Variants in JMY observed in about 807,000 individuals in gnomAD.
JMY encodes the protein junction-mediating and -regulatory protein.
In JMY, 46 loss-of-function variants were observed where a neutral mutation model predicts 103.3. The observed-to-expected ratio is 0.45, with a 90% CI of 0.35 to 0.57. The LOEUF (loss-of-function observed/expected upper bound fraction) is 0.57. Ranked by LOEUF, JMY falls within the 20% of genes least tolerant of loss-of-function variation. The pLI, the probability that JMY is intolerant of heterozygous loss-of-function variation, is 0.00. For synonymous variants in JMY, 526 were observed against 489.3 expected, an observed-to-expected ratio of 1.07 and a Z score of -0.99; for missense variants, 1,238 against 1,255.2, an observed-to-expected ratio of 0.99 and a Z score of 0.21.
Position 79,314,444 on chromosome 5 carries a change from A to C in JMY, c.2252A>C (p.Glu751Ala), listed in dbSNP as rs199871780. The C allele has an allele frequency of 1.8e-5, 29 of 1,614,064 alleles. No homozygotes were observed. The highest frequency in any genetic ancestry group is 2.4e-5 in the Non-Finnish European group (28 of 1,180,034). The change falls in exon 9 of 11, where the codon GAA becomes GCA. Residue 751 changes from glutamate to alanine, a missense_variant. Coordinates refer to ENST00000396137, the MANE Select transcript of JMY (RefSeq NM_152405.5). ...RVKRGPSQTT[E>A]PQSLVQLEDT... The stretch of plus-strand genomic sequence containing the variant: ...AAGCGTGGGCCATCACAGACAACAG[A>C]ACCCCAGAGCCTTGTGCAACTTGAA...
rs1184893279 is a variant in JMY at position 79,321,803 on chromosome 5, A to C, written c.*201A>C. ...AGATGATGGTTAACATGAATTTTACATGTGCAATGTTCCTGACTGCAATGA... is the reference window on the plus strand; with the variant it reads ...AGATGATGGTTAACATGAATTTTACCTGTGCAATGTTCCTGACTGCAATGA... On this transcript the variant is annotated 3_prime_UTR_variant, in exon 11 of 11. Coordinates refer to ENST00000396137, the MANE Select transcript of JMY (RefSeq NM_152405.5). 1.3e-5 allele frequency: 2 copies of C among 152,196 alleles called. No individual in the cohort carries two copies. Among genetic ancestry groups the C allele is most frequent in the East Asian group, 3.8e-4 (2 of 5,204 alleles). The allele number at this position is 152,196 out of a possible 1,614,324, so 9.4% of individuals were successfully genotyped here. A position where few individuals can be genotyped will look rare whatever the true frequency, so the allele number is the denominator to read the frequency against.
intron 1 of JMY, among the ~76,000 whole-genome samples, chr5:79,270,341 T>C (rs914160070): frequency 7.1e-6 from 1 of 140,406 alleles, no homozygotes; most frequent in Admixed American, 7.3e-5. Context: ...ATTTAAAATA[T>C]ATATTTACAT....
At position 79,285,563 on chromosome 5, in the gene JMY, C is replaced by CT. The variant is rs1452694772; in HGVS notation, c.1207-4557dup. 8.6e-4 allele frequency among the ~76,000 whole-genome samples: 126 copies of CT among 146,716 alleles called. 1 individual carries two copies. The highest frequency in any genetic ancestry group is 1.8e-3 in the East Asian group (9 of 5,048). On this transcript the variant is annotated intron_variant, in intron 2 of 10. Coordinates refer to ENST00000396137, the MANE Select transcript of JMY (RefSeq NM_152405.5). Reference sequence around the variant, plus strand: ...TTAGTTCACTTGAGTTTCGATTTCTCTCTTTTTTTTTTTTTAAGCATAGTT... The same window carrying CT: ...TTAGTTCACTTGAGTTTCGATTTCTCTTCTTTTTTTTTTTTTAAGCATAGTT...
At position 79,323,970 on chromosome 5, in the gene JMY, CA is replaced by C; in HGVS notation, c.*2369del. 1 of 152,338 alleles carries C rather than the reference CA, an allele frequency of 6.6e-6. No homozygotes were observed. The highest frequency in any genetic ancestry group is 1.5e-5 in the Non-Finnish European group (1 of 68,040). 9.4% of individuals were successfully genotyped at this position (152,338 alleles called of 1,614,324 possible). The stretch of plus-strand genomic sequence containing the variant: ...GTTAAAGCAGAGTATTGTTGGCAGC[CA>C]GCTATGCCCATCCTCTTGTAAATAA... On this transcript the variant is annotated 3_prime_UTR_variant, in exon 11 of 11. Coordinates refer to ENST00000396137, the MANE Select transcript of JMY (RefSeq NM_152405.5).
intron 4 of JMY, among the ~76,000 whole-genome samples, 168 bp from the exon 5 acceptor site, chr5:79,299,985 C>CATACAT (rs1554051626): frequency 2.0e-5 from 3 of 149,382 alleles, no homozygotes; most frequent in African/African-American, 4.9e-5. Context: ...CTGTTTTATA[C>CATACAT]ATATATATAT....
At chr5:79,256,760 C>T (rs2112059646) in intron 1 of JMY, among the ~76,000 whole-genome samples, 1 of 151,512 alleles carries the variant, frequency 6.6e-6, no homozygotes, top group South Asian at 2.1e-4. Context: ...GCCTTCCTCC[C>T]TCCCCCACCC....
At chr5:79,254,178 C>T (rs1002060886) in intron 1 of JMY, among the ~76,000 whole-genome samples, 1 of 151,052 alleles carries the variant, frequency 6.6e-6, no homozygotes, top group African/African-American at 2.4e-5. Flanking sequence ...TTGTCTCAAA[C>T]TCCTGACCTC....
At chr5:79,262,785 C>T (rs899084813) in intron 1 of JMY, among the ~76,000 whole-genome samples, 1 of 152,260 alleles carries the variant, frequency 6.6e-6, no homozygotes, top group Non-Finnish European at 1.5e-5. Context: ...TTGTAAAGTA[C>T]TATTCTGTCT....
At chr5:79,272,129 A>G (rs1178213975) in intron 1 of JMY, among the ~76,000 whole-genome samples, 2 of 145,462 alleles carry the variant, frequency 1.4e-5, no homozygotes, top group East Asian at 1.9e-4. Flanking sequence ...AAAAAAAAAA[A>G]GAAGTTCTGC....
intron 7 of JMY, among the ~76,000 whole-genome samples, chr5:79,308,479 T>C (rs1224334065): frequency 6.6e-6 from 1 of 152,232 alleles, no homozygotes; most frequent in Non-Finnish European, 1.5e-5. Context: ...CCTTTCTCCA[T>C]TGAATTGTCT....
intron 1 of JMY, among the ~76,000 whole-genome samples, chr5:79,240,532 C>A (rs1283869524): frequency 1.3e-5 from 2 of 152,136 alleles, no homozygotes; most frequent in Non-Finnish European, 2.9e-5. Flanking sequence ...TGGTCTTGAA[C>A]TCCTGACCTC....
intron 1 of JMY, among the ~76,000 whole-genome samples, chr5:79,262,280 T>C (rs1241782228): frequency 6.6e-6 from 1 of 152,242 alleles, no homozygotes; most frequent in Non-Finnish European, 1.5e-5. Flanking sequence ...TCCTTAATCC[T>C]AAATAATTCG....
chr5:79,279,723 C>T lies in JMY; in HGVS notation c.1206+1640C>T, dbSNP rs527708594. Among the ~76,000 whole-genome samples, 4 of 152,176 alleles carry T rather than the reference C, an allele frequency of 2.6e-5. No homozygotes were observed. The East Asian group carries it at 7.7e-4, about 29-fold the overall frequency. On this transcript the variant is annotated intron_variant, in intron 2 of 10. Transcript: ENST00000396137. ...TACTTTTGGAAAATAGCTGTGCTGT[C>T]AGCTTTTTGAGGGGGGGATTTGTTT...
intron 1 of JMY, among the ~76,000 whole-genome samples, chr5:79,249,165 G>T (rs1745001677): frequency 6.6e-6 from 1 of 151,992 alleles, no homozygotes; most frequent in African/African-American, 2.4e-5. Context: ...AAGAAAAACG[G>T]TGTGAATTAA....
At chr5:79,244,542 C>T (rs1001340641) in intron 1 of JMY, among the ~76,000 whole-genome samples, 1 of 152,162 alleles carries the variant, frequency 6.6e-6, no homozygotes, top group Non-Finnish European at 1.5e-5. Flanking sequence ...TGTTAACCTT[C>T]TCCATTGCTG....
intron 2 of JMY, among the ~76,000 whole-genome samples, chr5:79,289,198 G>A (rs1242721570): frequency 2.1e-5 from 3 of 142,328 alleles, no homozygotes; most frequent in Non-Finnish European, 4.5e-5. Flanking sequence ...TCGCACTACT[G>A]TACTCCAACC....
intron 2 of JMY, among the ~76,000 whole-genome samples, chr5:79,286,639 TA>T (rs58505099): frequency 0.014 from 1,849 of 134,804 alleles, 17 homozygotes; most frequent in African/African-American, 0.037. Context: ...CAAGACTCCA[TA>T]AAAAAAAAAA....
chr5:79,254,358 C>G (rs1745177155), intron 1 of JMY, among the ~76,000 whole-genome samples: 2 of 152,088 alleles, frequency 1.3e-5, no homozygotes, highest in African/African-American at 4.8e-5. Flanking sequence ...TAATGAAATT[C>G]CTCAGCTTTT....
intron 1 of JMY, among the ~76,000 whole-genome samples, chr5:79,246,139 C>A (rs1004133025): frequency 6.6e-6 from 1 of 152,082 alleles, no homozygotes; most frequent in Non-Finnish European, 1.5e-5. Context: ...TCTTTTTTCA[C>A]TTCTCCCTGT....
Sources: gnomAD v4.1 joint callset for allele counts (sites outside exome capture counted in the v4.1 genomes callset) on GRCh38, gnomAD v4.1.1 for gene constraint, MANE v1.5 for transcripts, NCBI Gene and HGNC (gene_info 2026-07-23, HGNC 2026-07-21) for gene names.